The following LAMC2 variants were observed in gnomAD, a reference collection of about 807,000 sequenced individuals.
LAMC2 encodes laminin subunit gamma-2.
In LAMC2, 97 loss-of-function variants were observed where a neutral mutation model predicts 140.2. The observed-to-expected ratio is 0.69, with a 90% CI of 0.59 to 0.82. LAMC2 has a LOEUF of 0.82. Ranked by LOEUF, LAMC2 falls within the 40% of genes least tolerant of loss-of-function variation. The probability of loss-of-function intolerance (pLI) is 0.00; values close to 1 mark genes in which losing one functional copy is unlikely to be tolerated. For synonymous variants in LAMC2, 513 were observed against 540.2 expected (o/e 0.95, Z 0.70); for missense variants, 1,402 against 1,476.1 (o/e 0.95, Z 0.82).
chr1:183,240,257 C>CT lies in LAMC2; in HGVS notation c.3229-31dup, dbSNP rs1259592151. 3.7e-6 allele frequency: 6 copies of CT among 1,614,028 alleles called. No individual in the cohort carries two copies. The African/African-American group carries it at 8.0e-5, about 22-fold the overall frequency. ...TTCAACTTGCCAAAATGGAAAATAC[C>CT]TTTTCAAGGCTGGTTTGTGCTTATT... On this transcript the variant is annotated intron_variant, in intron 21 of 22. Transcript: ENST00000264144.
intron 4 of LAMC2, among the ~76,000 whole-genome samples, chr1:183,220,306 T>C (rs1659429004): frequency 6.6e-6 from 1 of 152,090 alleles, no homozygotes; most frequent in Non-Finnish European, 1.5e-5. Context: ...CACCTGCCCT[T>C]TTCCCCAGTG....
chr1:183,227,628 G>A lies in LAMC2; in HGVS notation c.1399G>A (p.Gly467Arg), dbSNP rs202021503. 14 of 1,614,008 alleles carry A rather than the reference G, an allele frequency of 8.7e-6. No individual in the cohort carries two copies. Among genetic ancestry groups the A allele is most frequent in the East Asian group, 2.2e-5 (1 of 44,882 alleles). The change falls in exon 10 of 23, where the codon GGG becomes AGG. Residue 467 changes from glycine (G) to arginine (R), a missense_variant. Coordinates refer to ENST00000264144, the MANE Select transcript of LAMC2 (RefSeq NM_005562.3). ...RSCKPCPCHN[G>R]FSCSVMPETE... ...CTGCAAGCCATGTCCCTGTCATAAC[G>A]GGTTCAGCTGCTCAGTGATGCCGGA...
At position 183,215,559 on chromosome 1, in the gene LAMC2, T is replaced by A; in HGVS notation, c.375T>A (p.Asp125Glu). ...TGCCAGGCTTCCACATGCTCACGGATGCGGGGTGCACCCAAGACCAGAGAC... is the reference window on the plus strand; with the variant it reads ...TGCCAGGCTTCCACATGCTCACGGAAGCGGGGTGCACCCAAGACCAGAGAC... Reference protein sequence around the residue: ...RCLPGFHMLTDAGCTQDQRLL... With the variant: ...RCLPGFHMLTEAGCTQDQRLL... Residue 125 changes from aspartate (D) to glutamate (E), a missense_variant, in exon 3 of 23, where the codon GAT becomes GAA. Asp to Glu is a conservative substitution (Grantham distance 45). Transcript: ENST00000264144. The A allele has an allele frequency of 6.2e-7, 1 of 1,614,178 alleles. No homozygotes were observed. The highest frequency in any genetic ancestry group is 8.5e-7 in the Non-Finnish European group (1 of 1,180,038).
At chr1:183,201,927 A>G (rs1158391702) in intron 1 of LAMC2, among the ~76,000 whole-genome samples, 1 of 152,230 alleles carries the variant, frequency 6.6e-6, no homozygotes, top group Non-Finnish European at 1.5e-5. Context: ...TAACTTGAAG[A>G]TAAATCTTTT....
chr1:183,194,636 T>C (rs546478499), intron 1 of LAMC2, among the ~76,000 whole-genome samples: 9 of 152,232 alleles, frequency 5.9e-5, no homozygotes, highest in African/African-American at 1.7e-4. Context: ...CTTCTCTTTA[T>C]TCAGACACAT....
At chr1:183,218,806 A>G (rs182522122) in intron 4 of LAMC2, among the ~76,000 whole-genome samples, 23 of 152,324 alleles carry the variant, frequency 1.5e-4, no homozygotes, top group African/African-American at 4.8e-4. Flanking sequence ...TGTATGAGGC[A>G]GTAATCAATA....
At chr1:183,196,187 G>T (rs1658508368) in intron 1 of LAMC2, among the ~76,000 whole-genome samples, 2 of 151,642 alleles carry the variant, frequency 1.3e-5, no homozygotes, top group South Asian at 4.2e-4. Flanking sequence ...GCCCAGGCTG[G>T]AGTGCAATGG....
intron 4 of LAMC2, 30 bp downstream of exon 4, chr1:183,218,518 CAG>C (rs1179610653): frequency 6.7e-7 from 1 of 1,499,718 alleles, no homozygotes; most frequent in African/African-American, 1.4e-5. Flanking sequence ...CTACAAACAG[CAG>C]AGAGAGTCCC....
Position 183,243,367 on chromosome 1 carries a change from C to A in LAMC2, c.3549C>A (p.Gly1183=). The A allele has an allele frequency of 1.2e-6, 2 of 1,614,220 alleles. No individual in the cohort carries two copies. Among genetic ancestry groups the A allele is most frequent in the Non-Finnish European group, 1.7e-6 (2 of 1,180,024 alleles). Residue 1183 remains glycine (G), a synonymous_variant, in exon 23 of 23, where the codon GGC becomes GGA. Coordinates refer to ENST00000264144, the MANE Select transcript of LAMC2 (RefSeq NM_005562.3). ...LENIRDNLPP[G]CYNTQALEQQ ...ACATTAGGGACAACCTGCCCCCAGGCTGCTACAATACCCAGGCTCTTGAGC... is the reference window on the plus strand; with the variant it reads ...ACATTAGGGACAACCTGCCCCCAGGATGCTACAATACCCAGGCTCTTGAGC...
chr1:183,201,726 T>C (rs1304276586), intron 1 of LAMC2, among the ~76,000 whole-genome samples: 1 of 152,116 alleles, frequency 6.6e-6, no homozygotes, highest in Non-Finnish European at 1.5e-5. Flanking sequence ...GCCAACAGGG[T>C]GAAACCCTGT....
At position 183,234,368 on chromosome 1, in the gene LAMC2, A is replaced by G; in HGVS notation, c.2222A>G (p.Asn741Ser). The G allele has an allele frequency of 6.2e-7, 1 of 1,613,702 alleles. No homozygotes were observed. Among genetic ancestry groups the G allele is most frequent in the Non-Finnish European group, 8.5e-7 (1 of 1,179,710 alleles). The change falls in exon 15 of 23, where the codon AAC becomes AGC. Residue 741 changes from asparagine to serine, a missense_variant and splice_region_variant. This residue lies in a region of LAMC2 where 670 missense variants were observed against 667.2 expected (regional missense o/e 1.00). Transcript: ENST00000264144. ...TAACCGATTCTCCTTTTCCCACAGA[A>G]CATTCCTGCCTCAGACCACTACGTG... ...AESEASLGNT[N>S]IPASDHYVGP...
At chr1:183,222,412 G>T (rs1659503361) in intron 6 of LAMC2, among the ~76,000 whole-genome samples, 2 of 152,302 alleles carry the variant, frequency 1.3e-5, no homozygotes, top group South Asian at 4.1e-4. Context: ...AGAGCAGAAT[G>T]TGGTGTCCCA....
At chr1:183,207,859 C>A in intron 1 of LAMC2, 22 bp from the exon 2 acceptor site, 23 of 1,412,490 alleles carry the variant, frequency 1.6e-5, no homozygotes, top group Non-Finnish European at 1.9e-5. Flanking sequence ...TTGACGATCT[C>A]TTTTGTATGC....
intron 4 of LAMC2, among the ~76,000 whole-genome samples, chr1:183,219,127 C>T (rs1288443540): frequency 1.3e-5 from 2 of 152,198 alleles, no homozygotes; most frequent in African/African-American, 4.8e-5. Flanking sequence ...ACTCTTCCCT[C>T]CCAGAGGCTG....
chr1:183,216,789 G>A (rs1429920165), intron 3 of LAMC2, among the ~76,000 whole-genome samples: 1 of 152,088 alleles, frequency 6.6e-6, no homozygotes, highest in Non-Finnish European at 1.5e-5. Flanking sequence ...TGTCTTGTTT[G>A]CTTCTGTGTC....
intron 18 of LAMC2, among the ~76,000 whole-genome samples, chr1:183,237,791 C>T (rs548911892): frequency 2.0e-5 from 3 of 152,244 alleles, no homozygotes; most frequent in Admixed American, 6.5e-5. Flanking sequence ...GAGGCTGAGG[C>T]GAGAGGATCA....
At chr1:183,239,719 C>T (rs184351019) in intron 20 of LAMC2, 156 bp downstream of exon 20, 21 of 680,180 alleles carry the variant, frequency 3.1e-5, no homozygotes, top group Admixed American at 8.7e-5. Flanking sequence ...GTAGCAAAGA[C>T]GCATGACAGA....
intron 2 of LAMC2, among the ~76,000 whole-genome samples, chr1:183,209,770 C>T (rs1340651288): frequency 6.6e-6 from 1 of 152,140 alleles, no homozygotes; most frequent in African/African-American, 2.4e-5. Context: ...TTATTAGTCT[C>T]AGGGTAGACC....
intron 3 of LAMC2, among the ~76,000 whole-genome samples, chr1:183,216,706 G>C (rs1659271784): frequency 6.6e-6 from 1 of 152,076 alleles, no homozygotes; most frequent in Admixed American, 6.5e-5. Flanking sequence ...TCACTCTGCT[G>C]TTTCACTCCA....
Sources: allele counts gnomAD v4.1 joint callset (sites outside exome capture counted in the v4.1 genomes callset), GRCh38; gene constraint gnomAD v4.1.1; regional missense constraint gnomAD v4.1.1; transcripts MANE v1.5; gene names NCBI Gene and HGNC (gene_info 2026-07-23, HGNC 2026-07-21).